SMC6: variants seen among roughly 807,000 people sequenced by gnomAD.
SMC6 encodes structural maintenance of chromosomes 6, also known as structural maintenance of chromosomes protein 6.
Under a neutral mutation model 142.2 loss-of-function variants are expected in SMC6, and 79 were observed. The ratio of observed to expected loss-of-function variants is 0.56; its 90% CI spans 0.46 to 0.67. The LOEUF (loss-of-function observed/expected upper bound fraction) is 0.67. Ranked by LOEUF, SMC6 falls within the 30% of genes least tolerant of loss-of-function variation. SMC6 has a pLI of 0.00. For synonymous variants in SMC6, 411 were observed against 412.4 expected (o/e 1.00, Z 0.04); for missense variants, 1,072 against 1,284.0 (o/e 0.83, Z 2.52).
At chr2:17,742,655 C>T (rs1670531606) in intron 3 of SMC6, among the ~76,000 whole-genome samples, 1 of 152,148 alleles carries the variant, frequency 6.6e-6, no homozygotes, top group South Asian at 2.1e-4. Context: ...TTCTTCTGGA[C>T]ATACGTCTTA....
rs1490390958 is a variant in SMC6, at chr2:17,663,902, C to G, written c.*1597G>C. 1 of 152,116 alleles carries G rather than the reference C, an allele frequency of 6.6e-6. No individual in the cohort carries two copies. Among genetic ancestry groups the G allele is most frequent in the African/African-American group, 2.4e-5 (1 of 41,420 alleles). 9.4% of individuals were successfully genotyped at this position (152,116 alleles called of 1,614,324 possible). ...TTCTTTCATTCTAGTAATATTATCA[C>G]TACTTAGAACATTAAAGGAAGATAT... On this transcript the variant is annotated 3_prime_UTR_variant, in exon 28 of 28. Coordinates refer to ENST00000448223, the MANE Select transcript of SMC6 (RefSeq NM_001142286.2).
At position 17,695,192 on chromosome 2, in the gene SMC6, C is replaced by T. The variant is rs1321879268; in HGVS notation, c.2638G>A (p.Ala880Thr). 1.2e-6 allele frequency: 2 copies of T among 1,613,574 alleles called. No homozygotes were observed. Residue 880 changes from alanine (A) to threonine (T), a missense_variant, in exon 23 of 28, where the codon GCA (alanine) becomes ACA (threonine). This residue lies in a region of SMC6 where 994 missense variants were observed against 1,153.2 expected (regional missense o/e 0.86). Transcript: ENST00000448223. The stretch of plus-strand genomic sequence containing the variant: ...CGATCTCCATGACTAGCATGTTCTG[C>T]CTGTATCTTCTGCCTTAATCGATTA... ...EINRLRQKIQ[A>T]EHASHGDREE...
intron 23 of SMC6, among the ~76,000 whole-genome samples, chr2:17,688,021 GAA>G (rs1220443088): frequency 3.3e-5 from 5 of 151,892 alleles, no homozygotes; most frequent in Non-Finnish European, 7.4e-5. Flanking sequence ...TCCTGTGGAG[GAA>G]AAAAAGACAG....
intron 11 of SMC6, among the ~76,000 whole-genome samples, chr2:17,718,479 G>A (rs757822976): frequency 1.4e-4 from 22 of 152,128 alleles, no homozygotes; most frequent in Non-Finnish European, 2.8e-4. Context: ...ACAAAAGAGA[G>A]AGATATAATT....
intron 23 of SMC6, among the ~76,000 whole-genome samples, chr2:17,688,265 T>C (rs570295895): frequency 6.7e-6 from 1 of 148,888 alleles, no homozygotes; most frequent in South Asian, 2.1e-4. Context: ...GGGTCAGGTA[T>C]AGAATGAGCT....
Position 17,720,921 on chromosome 2 carries a change from A to C in SMC6, c.945+19T>G. 1 of 1,598,636 alleles carries C rather than the reference A, an allele frequency of 6.3e-7. No individual in the cohort carries two copies. The highest frequency in any genetic ancestry group is 8.6e-7 in the Non-Finnish European group (1 of 1,167,666). On this transcript the variant is annotated intron_variant, in intron 11 of 27. Transcript: ENST00000448223. ...ATATGATTCAACCTATTAAATCTGC[A>C]TTTAAAAACTGTAATTACCTGCTGT...
chr2:17,725,155 T>A (rs893501254), intron 9 of SMC6, 102 bp downstream of exon 9: 1 of 749,924 alleles, frequency 1.3e-6, no homozygotes, highest in Non-Finnish European at 2.1e-6. Context: ...TATTACTAGT[T>A]TTATATAAAT....
At position 17,753,153 on chromosome 2, in the gene SMC6, A is replaced by G. The variant is rs562749994; in HGVS notation, c.-92-89T>C. The G allele has an allele frequency of 1.8e-5, 6 of 333,186 alleles. No homozygotes were observed. The South Asian group carries it at 5.9e-4, about 33-fold the overall frequency. 20.6% of individuals were successfully genotyped at this position (333,186 alleles called of 1,614,324 possible). A position where few individuals can be genotyped will look rare whatever the true frequency, so the allele number is the denominator to read the frequency against. On this transcript the variant is annotated intron_variant, in intron 1 of 27. Coordinates refer to ENST00000448223, the MANE Select transcript of SMC6 (RefSeq NM_001142286.2). The stretch of plus-strand genomic sequence containing the variant: ...GGTAATACAATTTGCATTTTCGTAA[A>G]ACTGGGCTTTAATGACAAATCCGAT...
chr2:17,718,283 A>C, intron 11 of SMC6, 60 bp from the exon 12 acceptor site: 1 of 1,205,746 alleles, frequency 8.3e-7, no homozygotes, highest in Non-Finnish European at 1.1e-6. Context: ...ATTTTAAAAA[A>C]TAATTATCTA....
At chr2:17,686,909 T>C (rs2124872160) in intron 23 of SMC6, among the ~76,000 whole-genome samples, 1 of 152,342 alleles carries the variant, frequency 6.6e-6, no homozygotes, top group African/African-American at 2.4e-5. Context: ...TGAACAAAAT[T>C]ATTTAAAAAT....
At chr2:17,722,936 A>G (rs1446665135) in intron 9 of SMC6, among the ~76,000 whole-genome samples, 1 of 150,784 alleles carries the variant, frequency 6.6e-6, no homozygotes, top group Non-Finnish European at 1.5e-5. Context: ...TCACATTTCC[A>G]CTTGGATGCT....
intron 16 of SMC6, among the ~76,000 whole-genome samples, chr2:17,714,215 C>G (rs1019541647): frequency 6.6e-6 from 1 of 151,796 alleles, no homozygotes; most frequent in South Asian, 2.1e-4. Context: ...CCCACCTCAG[C>G]CTTCCAAGTA....
rs752751695 is a variant in SMC6, at chr2:17,703,421, T to C, written c.2007-129A>G. On this transcript the variant is annotated intron_variant, in intron 18 of 27. Transcript: ENST00000448223. The stretch of plus-strand genomic sequence containing the variant: ...GCAAAATCCTTTTCAGTTAAACCAG[T>C]TCTATAATCCTACCAAGCTATTAAT... The C allele has an allele frequency of 6.5e-5, 46 of 706,782 alleles. No homozygotes were observed. The South Asian group carries it at 9.5e-4, about 15-fold the overall frequency. 43.8% of individuals were successfully genotyped at this position (706,782 alleles called of 1,614,324 possible). A position where few individuals can be genotyped will look rare whatever the true frequency, so the allele number is the denominator to read the frequency against.
chr2:17,668,386 C>T (rs550862212), intron 26 of SMC6, among the ~76,000 whole-genome samples: 10 of 152,068 alleles, frequency 6.6e-5, no homozygotes, highest in Non-Finnish European at 1.2e-4. Flanking sequence ...TTCTGATTCA[C>T]GAATACACAC....
At chr2:17,736,707 TAAA>T (rs746795932) in intron 5 of SMC6, among the ~76,000 whole-genome samples, 1 of 130,114 alleles carries the variant, frequency 7.7e-6, no homozygotes. Flanking sequence ...CCTTCGCTAC[TAAA>T]AAAAAAAAAA....
At chr2:17,729,542 T>C (rs1478840714) in intron 7 of SMC6, among the ~76,000 whole-genome samples, 1 of 152,196 alleles carries the variant, frequency 6.6e-6, no homozygotes, top group African/African-American at 2.4e-5. Flanking sequence ...TTTCAAGCAC[T>C]TGCACAAGAA....
At chr2:17,743,131 T>C (rs1292046784) in intron 3 of SMC6, among the ~76,000 whole-genome samples, 1 of 152,222 alleles carries the variant, frequency 6.6e-6, no homozygotes, top group African/African-American at 2.4e-5. Context: ...TTTTATGGTA[T>C]GGATGTACCA....
intron 12 of SMC6, among the ~76,000 whole-genome samples, 170 bp downstream of exon 12, chr2:17,717,907 C>T (rs1669176830): frequency 6.7e-6 from 1 of 149,994 alleles, no homozygotes; most frequent in South Asian, 2.1e-4. Context: ...ATAGCGTGTG[C>T]CCAGGAGATA....
chr2:17,690,839 G>A (rs1446270574), intron 23 of SMC6, among the ~76,000 whole-genome samples: 1 of 151,746 alleles, frequency 6.6e-6, no homozygotes, highest in African/African-American at 2.4e-5. Context: ...AAGAATCTAA[G>A]AAGGCCACAC....
Sources: allele counts gnomAD v4.1 joint callset (sites outside exome capture counted in the v4.1 genomes callset), GRCh38; gene constraint gnomAD v4.1.1; regional missense constraint gnomAD v4.1.1; transcripts MANE v1.5; gene names NCBI Gene and HGNC (gene_info 2026-07-23, HGNC 2026-07-21).